GPR22: variants seen among roughly 807,000 people sequenced by gnomAD.
GPR22 encodes G-protein coupled receptor 22.
Under a neutral mutation model 31.0 loss-of-function variants are expected in GPR22, and 13 were observed. The ratio of observed to expected loss-of-function variants is 0.42; its 90% CI spans 0.27 to 0.67. GPR22 has a LOEUF of 0.67. Ranked by LOEUF, GPR22 falls within the 30% of genes least tolerant of loss-of-function variation. The pLI is 0.25. For missense variants in GPR22, 368 were observed against 509.6 expected (o/e 0.72, Z 2.67); for synonymous variants, 191 against 173.4 (o/e 1.10, Z -0.80).
downstream of GPR22, among the ~76,000 whole-genome samples, chr7:107,475,884 A>T (rs1206207164): frequency 6.6e-6 from 1 of 151,694 alleles, no homozygotes; most frequent in Non-Finnish European, 1.5e-5. Context: ...CATCACAAAT[A>T]ATTAAGTACG....
intron 2 of GPR22, chr7:107,472,925 T>C (rs1796724986): frequency 6.6e-6 from 1 of 151,922 alleles, no homozygotes; most frequent in Non-Finnish European, 1.5e-5. Context: ...TTAACTGACA[T>C]TTTAGCCCAG....
chr7:107,474,018 T>C lies in GPR22; in HGVS notation c.-26-17T>C. 1.0e-6 allele frequency: 1 copy of C among 994,754 alleles called. No homozygotes were observed. Among genetic ancestry groups the C allele is most frequent in the Non-Finnish European group, 1.5e-6 (1 of 659,180 alleles). The allele number at this position is 994,754 out of a possible 1,614,324, so 61.6% of individuals were successfully genotyped here. A position where few individuals can be genotyped will look rare whatever the true frequency, so the allele number is the denominator to read the frequency against. On this transcript the variant is annotated splice_polypyrimidine_tract_variant and intron_variant, in intron 2 of 2. Transcript: ENST00000304402. The surrounding 1 kb of genome is among the most constrained non-coding windows in gnomAD (Gnocchi z 5.7). ...AATTGCCAAATATCAAATAGTTTAT[T>C]CTATTTCACTTTCTAGGGAAAAAAA...
rs1174403651 is a variant in GPR22 at position 107,475,483 on chromosome 7, C to T, written c.*121C>T. On this transcript the variant is annotated 3_prime_UTR_variant, in exon 3 of 3. Coordinates refer to ENST00000304402, the MANE Select transcript of GPR22 (RefSeq NM_005295.3). ...AAGTATTGGTTATGTTGTAAATTTT[C>T]AATGTGAATGTCAATTAGATAGGTC... The T allele has an allele frequency of 1.6e-5, 9 of 568,398 alleles. No homozygotes were observed. Among genetic ancestry groups the T allele is most frequent in the Non-Finnish European group, 2.5e-5 (8 of 321,628 alleles). 35.2% of individuals were successfully genotyped at this position (568,398 alleles called of 1,614,324 possible). A position where few individuals can be genotyped will look rare whatever the true frequency, so the allele number is the denominator to read the frequency against.
At chr7:107,472,513 C>T (rs1285866127) in intron 2 of GPR22, 2 of 151,870 alleles carry the variant, frequency 1.3e-5, no homozygotes, top group Non-Finnish European at 2.9e-5. Context: ...GACATTTCTG[C>T]TTTATTTAAT....
At chr7:107,476,149 G>A (rs868044051), downstream of GPR22, among the ~76,000 whole-genome samples, 8 of 120,722 alleles carry the variant, frequency 6.6e-5, no homozygotes, top group Middle Eastern at 5.9e-3. Flanking sequence ...TTAAGTCTAA[G>A]CCAAATGCTC....
Position 107,474,816 on chromosome 7 carries a change from G to C in GPR22, c.756G>C (p.Lys252Asn). 1 of 1,613,008 alleles carries C rather than the reference G, an allele frequency of 6.2e-7. No individual in the cohort carries two copies. Among genetic ancestry groups the C allele is most frequent in the Non-Finnish European group, 8.5e-7 (1 of 1,179,518 alleles). Residue 252 changes from lysine (K) to asparagine (N), a missense_variant, in exon 3 of 3, where the codon AAG becomes AAC. Lys to Asn is a moderately conservative substitution (Grantham distance 94, BLOSUM62 0). Transcript: ENST00000304402. The surrounding 1 kb of genome is among the most constrained non-coding windows in gnomAD (Gnocchi z 5.7). ...IGTRFSTGQK[K>N]KARKKKTISL... ...CAAGATTTTCAACAGGGCAGAAGAAGAAAGCAAGAAAGAAAAAGACAATTT... is the reference window on the plus strand; with the variant it reads ...CAAGATTTTCAACAGGGCAGAAGAACAAAGCAAGAAAGAAAAAGACAATTT...
In GPR22 at chr7:107,474,421, T is replaced by G; in HGVS notation, c.361T>G (p.Cys121Gly). ...TCTCATTTGCTGTTTCCATGAGGCT[T>G]GTGTATCTTTTGCAAGTGTCTCAAC... ...TALICCFHEA[C>G]VSFASVSTAI... is the part of the protein sequence containing the mutation. The change falls in exon 3 of 3, where the codon TGT becomes GGT. Residue 121 changes from cysteine (C) to glycine (G), a missense_variant. Coordinates refer to ENST00000304402, the MANE Select transcript of GPR22 (RefSeq NM_005295.3). The surrounding 1 kb of genome is among the most constrained non-coding windows in gnomAD (Gnocchi z 5.7). 1 of 1,613,140 alleles carries G rather than the reference T, an allele frequency of 6.2e-7. No individual in the cohort carries two copies. Among genetic ancestry groups the G allele is most frequent in the Non-Finnish European group, 8.5e-7 (1 of 1,179,290 alleles).
intron 2 of GPR22, among the ~76,000 whole-genome samples, chr7:107,473,435 C>T (rs1351140015): frequency 1.3e-5 from 2 of 151,936 alleles, no homozygotes; most frequent in African/African-American, 4.8e-5. Flanking sequence ...ATATTAATCA[C>T]TGGCCTATTT....
At chr7:107,471,338 C>T (rs937341803) in intron 1 of GPR22, 34 bp from the exon 2 acceptor site, 1 of 151,572 alleles carries the variant, frequency 6.6e-6, no homozygotes, top group African/African-American at 2.4e-5. Flanking sequence ...TATTAAAAAC[C>T]CTATTTCTTA....
Position 107,474,392 on chromosome 7 carries a change from C to T in GPR22, c.332C>T (p.Thr111Ile). The part of the protein sequence containing the change: ...VILLLSLESN[T>I]ALICCFHEAC... Reference sequence around the variant, plus strand: ...CTTCTGCTTTCACTGGAGAGTAACACTGCTCTCATTTGCTGTTTCCATGAG... The same window carrying T: ...CTTCTGCTTTCACTGGAGAGTAACATTGCTCTCATTTGCTGTTTCCATGAG... The change falls in exon 3 of 3, where the codon ACT (threonine) becomes ATT (isoleucine). Residue 111 changes from threonine (T) to isoleucine (I), a missense_variant. Transcript: ENST00000304402. This position sits in a 1 kb window ranked among gnomAD's most constrained non-coding sequence, Gnocchi z 5.7. 6.2e-7 allele frequency: 1 copy of T among 1,611,198 alleles called. No homozygotes were observed. Among genetic ancestry groups the T allele is most frequent in the Non-Finnish European group, 8.5e-7 (1 of 1,177,562 alleles).
chr7:107,474,423 T>C lies in GPR22; in HGVS notation c.363T>C (p.Cys121=). 5 of 1,613,200 alleles carry C rather than the reference T, an allele frequency of 3.1e-6. No homozygotes were observed. Among genetic ancestry groups the C allele is most frequent in the Non-Finnish European group, 4.2e-6 (5 of 1,179,366 alleles). Reference sequence around the variant, plus strand: ...TCATTTGCTGTTTCCATGAGGCTTGTGTATCTTTTGCAAGTGTCTCAACAG... The same window carrying C: ...TCATTTGCTGTTTCCATGAGGCTTGCGTATCTTTTGCAAGTGTCTCAACAG... ...TALICCFHEA[C]VSFASVSTAI... The change falls in exon 3 of 3, where the codon TGT becomes TGC. Residue 121 remains cysteine, a synonymous_variant. Transcript: ENST00000304402. This position sits in a 1 kb window ranked among gnomAD's most constrained non-coding sequence, Gnocchi z 5.7.
Position 107,475,398 on chromosome 7 carries a change from TGA to T in GPR22, c.*38_*39del. On this transcript the variant is annotated 3_prime_UTR_variant, in exon 3 of 3. Coordinates refer to ENST00000304402, the MANE Select transcript of GPR22 (RefSeq NM_005295.3). The stretch of plus-strand genomic sequence containing the variant: ...CAGTTTCACCAAATCCACATTCAAA[TGA>T]GTTTTAAATTTAAATTGTAAAAACT... The T allele has an allele frequency of 2.0e-6, 2 of 979,050 alleles. No individual in the cohort carries two copies. Among genetic ancestry groups the T allele is most frequent in the South Asian group, 3.8e-5 (2 of 52,524 alleles). 60.6% of individuals were successfully genotyped at this position (979,050 alleles called of 1,614,324 possible). A position where few individuals can be genotyped will look rare whatever the true frequency, so the allele number is the denominator to read the frequency against.
At position 107,471,710 on chromosome 7, in the gene GPR22, A is replaced by C. The variant is rs1438914063; in HGVS notation, c.-619A>C. On this transcript the variant is annotated 5_prime_UTR_variant, in exon 2 of 3. Coordinates refer to ENST00000304402, the MANE Select transcript of GPR22 (RefSeq NM_005295.3). Reference sequence around the variant, plus strand: ...AGACATAATGAAACATGAATTTCCAAAAAGAAAAGAAAATACTTTATCAGC... The same window carrying C: ...AGACATAATGAAACATGAATTTCCACAAAGAAAAGAAAATACTTTATCAGC... 1 of 152,076 alleles carries C rather than the reference A, an allele frequency of 6.6e-6. No homozygotes were observed. The highest frequency in any genetic ancestry group is 1.5e-5 in the Non-Finnish European group (1 of 67,954). 9.4% of individuals were successfully genotyped at this position (152,076 alleles called of 1,614,324 possible).
At chr7:107,475,835 G>GC (rs1796943125), downstream of GPR22, among the ~76,000 whole-genome samples, 1 of 151,518 alleles carries the variant, frequency 6.6e-6, no homozygotes, top group Admixed American at 6.6e-5. Context: ...ATACCACTAT[G>GC]CTATGTTTCC....
Position 107,471,573 on chromosome 7 carries a change from T to A in GPR22, c.-756T>A, listed in dbSNP as rs1379513121. On this transcript the variant is annotated 5_prime_UTR_variant, in exon 2 of 3. Transcript: ENST00000304402. The stretch of plus-strand genomic sequence containing the variant: ...AACTGTATCCTAAGAAGATGCTACA[T>A]AAAATAACCACAAAAAGAAAAACAA... 1.3e-5 allele frequency: 2 copies of A among 151,894 alleles called. No individual in the cohort carries two copies. Among genetic ancestry groups the A allele is most frequent in the Non-Finnish European group, 2.9e-5 (2 of 67,894 alleles). The allele number at this position is 151,894 out of a possible 1,614,324, so 9.4% of individuals were successfully genotyped here. A position where few individuals can be genotyped will look rare whatever the true frequency, so the allele number is the denominator to read the frequency against.
intron 1 of GPR22, among the ~76,000 whole-genome samples, chr7:107,470,872 T>G (rs1236460621): frequency 6.6e-6 from 1 of 152,036 alleles, no homozygotes; most frequent in East Asian, 1.9e-4. Flanking sequence ...TATTACCTTT[T>G]GTATTTCAAC....
intron 2 of GPR22, chr7:107,473,155 C>T (rs946629172): frequency 6.6e-6 from 1 of 151,776 alleles, no homozygotes; most frequent in African/African-American, 2.4e-5. Context: ...TCATCTTTTA[C>T]TTTAAAAACT....
Position 107,470,115 on chromosome 7 carries a change from T to A in GPR22, c.-1288T>A, listed in dbSNP as rs889468292. On this transcript the variant is annotated 5_prime_UTR_variant, in exon 1 of 3. Transcript: ENST00000304402. Reference sequence around the variant, plus strand: ...CTCTGAAAAGCAGTGCCGTTCCTTTTTAGAAAGACTGAATCTAAATGTTGT... The same window carrying A: ...CTCTGAAAAGCAGTGCCGTTCCTTTATAGAAAGACTGAATCTAAATGTTGT... 6.6e-6 allele frequency: 1 copy of A among 152,172 alleles called. No homozygotes were observed. Among genetic ancestry groups the A allele is most frequent in the Non-Finnish European group, 1.5e-5 (1 of 68,024 alleles). 9.4% of individuals were successfully genotyped at this position (152,172 alleles called of 1,614,324 possible).
intron 2 of GPR22, among the ~76,000 whole-genome samples, chr7:107,473,710 C>A (rs1796789586): frequency 6.6e-6 from 1 of 151,828 alleles, no homozygotes; most frequent in Non-Finnish European, 1.5e-5. Context: ...ATTTTGTATG[C>A]TAGGAAGTTT....
Sources: gnomAD v4.1 joint callset for allele counts (sites outside exome capture counted in the v4.1 genomes callset) on GRCh38, gnomAD v4.1.1 for gene constraint, Gnocchi (gnomAD v3.1) non-coding constraint, MANE v1.5 for transcripts, NCBI Gene and HGNC (gene_info 2026-07-23, HGNC 2026-07-21) for gene names.